RASSF9: variants seen among roughly 807,000 people sequenced by gnomAD.
The protein encoded by RASSF9 is Ras association domain family member 9.
A neutral mutation model predicts 21.4 loss-of-function variants in RASSF9; 18 were observed. That is an observed-to-expected ratio of 0.84 (90% CI 0.58 to 1.25). The LOEUF is 1.25. Ranked by LOEUF, RASSF9 falls within the 50% of genes most tolerant of loss-of-function variation. RASSF9 has a pLI of 0.00. For synonymous variants in RASSF9, 183 were observed against 179.1 expected, an observed-to-expected ratio of 1.02 and a Z score of -0.18; for missense variants, 480 against 503.2, an observed-to-expected ratio of 0.95 and a Z score of 0.44.
In RASSF9 at chr12:85,836,360, T is replaced by C. The variant is rs1880564600; in HGVS notation, c.-159A>G. On this transcript the variant is annotated 5_prime_UTR_variant, in exon 1 of 2. Coordinates refer to ENST00000361228, the MANE Select transcript of RASSF9 (RefSeq NM_005447.4). ...CTCATTAGTAGCCGGCTGAGAAAGT[T>C]GCTGGAAGTTGTGCAACTGCTGCTT... is the stretch of plus-strand genomic sequence containing the variant. 2 of 1,446,792 alleles carry C rather than the reference T, an allele frequency of 1.4e-6. No homozygotes were observed. Among genetic ancestry groups the C allele is most frequent in the African/African-American group, 1.4e-5 (1 of 70,322 alleles). 89.6% of individuals were successfully genotyped at this position (1,446,792 alleles called of 1,614,324 possible).
intron 1 of RASSF9, among the ~76,000 whole-genome samples, chr12:85,820,116 T>G (rs1467746303): frequency 6.6e-6 from 1 of 152,184 alleles, no homozygotes; most frequent in African/African-American, 2.4e-5. Context: ...GGGCTAGGAA[T>G]GTGTTTTACA....
At chr12:85,829,728 C>T (rs773457250) in intron 1 of RASSF9, among the ~76,000 whole-genome samples, 6 of 152,076 alleles carry the variant, frequency 3.9e-5, no homozygotes, top group Non-Finnish European at 8.8e-5. Flanking sequence ...TCCATTTACT[C>T]CTCTCTTAAA....
rs1218364322 is a variant in RASSF9, at chr12:85,801,306, G to A, written c.*3396C>T. On this transcript the variant is annotated 3_prime_UTR_variant, in exon 2 of 2. Transcript: ENST00000361228. ...ATTTTTCTTTCCCAAAATGTATAAG[G>A]TCAATTACTGTTAATGTTTTAAGTC... is the stretch of plus-strand genomic sequence containing the variant. 1 of 151,974 alleles carries A rather than the reference G, an allele frequency of 6.6e-6. No individual in the cohort carries two copies. The highest frequency in any genetic ancestry group is 1.5e-5 in the Non-Finnish European group (1 of 67,990). 9.4% of individuals were successfully genotyped at this position (151,974 alleles called of 1,614,324 possible). A position where few individuals can be genotyped will look rare whatever the true frequency, so the allele number is the denominator to read the frequency against.
At chr12:85,823,580 A>T (rs1459990666) in intron 1 of RASSF9, among the ~76,000 whole-genome samples, 2 of 152,228 alleles carry the variant, frequency 1.3e-5, no homozygotes, top group Non-Finnish European at 2.9e-5. Flanking sequence ...CCCCTTGAAT[A>T]GACCTTGGAA....
At chr12:85,815,613 G>T (rs559528304) in intron 1 of RASSF9, among the ~76,000 whole-genome samples, 20 of 151,994 alleles carry the variant, frequency 1.3e-4, no homozygotes, top group African/African-American at 4.1e-4. Flanking sequence ...GTTATTTCTG[G>T]TTTTTTTAAT....
intron 1 of RASSF9, among the ~76,000 whole-genome samples, chr12:85,833,647 T>G: frequency 6.6e-6 from 1 of 151,986 alleles, no homozygotes; most frequent in East Asian, 1.9e-4. Flanking sequence ...TTCTCAAAAT[T>G]TTATGATCTT....
Position 85,803,358 on chromosome 12 carries a change from G to T in RASSF9, c.*1344C>A, listed in dbSNP as rs142971782. The T allele has an allele frequency of 1.3e-5, 2 of 152,062 alleles. No homozygotes were observed. Among genetic ancestry groups the T allele is most frequent in the East Asian group, 1.9e-4 (1 of 5,168 alleles). 9.4% of individuals were successfully genotyped at this position (152,062 alleles called of 1,614,324 possible). A position where few individuals can be genotyped will look rare whatever the true frequency, so the allele number is the denominator to read the frequency against. Reference sequence around the variant, plus strand: ...TACATGTGCAGTGACACACAGGAAAGATATCAGCTAAATAAAAATAAACTG... The same window carrying T: ...TACATGTGCAGTGACACACAGGAAATATATCAGCTAAATAAAAATAAACTG... On this transcript the variant is annotated 3_prime_UTR_variant, in exon 2 of 2. Transcript: ENST00000361228.
At chr12:85,808,240 G>A (rs1006487061) in intron 1 of RASSF9, among the ~76,000 whole-genome samples, 16 of 151,998 alleles carry the variant, frequency 1.1e-4, no homozygotes, top group African/African-American at 3.9e-4. Context: ...AGATACATCA[G>A]GGATGCCAAG....
At chr12:85,830,501 T>C (rs2136564074) in intron 1 of RASSF9, among the ~76,000 whole-genome samples, 1 of 152,246 alleles carries the variant, frequency 6.6e-6, no homozygotes, top group South Asian at 2.1e-4. Context: ...ACTTACTCTC[T>C]GGCTATCTAG....
intron 1 of RASSF9, among the ~76,000 whole-genome samples, chr12:85,810,400 C>T (rs1443814293): frequency 1.3e-5 from 2 of 151,808 alleles, no homozygotes; most frequent in African/African-American, 4.8e-5. Context: ...GGTTCTAGCG[C>T]TAAATTCCTT....
In RASSF9 at chr12:85,801,816, AG is replaced by A. The variant is rs71847149; in HGVS notation, c.*2885del. 27,741 of 152,128 alleles carry A rather than the reference AG, an allele frequency of 0.18. 2,680 individuals are homozygous for A. The highest frequency in any genetic ancestry group is 0.22 in the African/African-American group (9,262 of 41,432). 9.4% of individuals were successfully genotyped at this position (152,128 alleles called of 1,614,324 possible). The stretch of plus-strand genomic sequence containing the variant: ...GGCGACAGAGTGAGACTCCGTCTCA[AG>A]GAAAAAAAAAATAGAATTCATTGAA... On this transcript the variant is annotated 3_prime_UTR_variant, in exon 2 of 2. Transcript: ENST00000361228.
chr12:85,817,499 T>G (rs1024659761), intron 1 of RASSF9, among the ~76,000 whole-genome samples: 2 of 151,970 alleles, frequency 1.3e-5, no homozygotes, highest in East Asian at 1.9e-4. Context: ...AGCAGAAATT[T>G]AGAGAGAAAA....
At chr12:85,833,206 A>T (rs1880488547) in intron 1 of RASSF9, among the ~76,000 whole-genome samples, 1 of 151,888 alleles carries the variant, frequency 6.6e-6, no homozygotes, top group South Asian at 2.1e-4. Context: ...TAACCCTTTA[A>T]AAAGTATTCA....
intron 1 of RASSF9, among the ~76,000 whole-genome samples, chr12:85,819,559 G>A (rs1348573323): frequency 6.6e-6 from 1 of 152,058 alleles, no homozygotes; most frequent in Non-Finnish European, 1.5e-5. Flanking sequence ...AAACCAATGA[G>A]GATGTACTAA....
intron 1 of RASSF9, among the ~76,000 whole-genome samples, chr12:85,823,327 C>T (rs1247959013): frequency 6.6e-6 from 1 of 152,102 alleles, no homozygotes; most frequent in Non-Finnish European, 1.5e-5. Flanking sequence ...CTGACATATC[C>T]TCTTTGTAAC....
At chr12:85,812,546 T>C (rs1372213363) in intron 1 of RASSF9, among the ~76,000 whole-genome samples, 3 of 151,266 alleles carry the variant, frequency 2.0e-5, no homozygotes. Context: ...ATTTATGATT[T>C]TATCTTAGTT....
chr12:85,809,806 C>T (rs1304791661), intron 1 of RASSF9, among the ~76,000 whole-genome samples: 2 of 151,848 alleles, frequency 1.3e-5, no homozygotes, highest in African/African-American at 4.8e-5. Flanking sequence ...TTGTGGCCTC[C>T]TCCAGAGATC....
intron 1 of RASSF9, among the ~76,000 whole-genome samples, chr12:85,812,690 G>A (rs1879978674): frequency 1.3e-5 from 2 of 151,148 alleles, no homozygotes; most frequent in Admixed American, 1.3e-4. Context: ...GGAAAATTGT[G>A]GAAAATATAC....
chr12:85,828,827 G>A (rs1326291009), intron 1 of RASSF9, among the ~76,000 whole-genome samples: 1 of 151,986 alleles, frequency 6.6e-6, no homozygotes, highest in Non-Finnish European at 1.5e-5. Context: ...TTCTACTATG[G>A]CCTTTTAAGT....
Sources: gnomAD v4.1 joint callset for allele counts (sites outside exome capture counted in the v4.1 genomes callset) on GRCh38, gnomAD v4.1.1 for gene constraint, MANE v1.5 for transcripts, NCBI Gene and HGNC (gene_info 2026-07-23, HGNC 2026-07-21) for gene names.